Variants in LSP1 observed in about 807,000 individuals in gnomAD.
LSP1 encodes the protein lymphocyte specific protein 1, also known as lymphocyte-specific protein 1.
LSP1 carries 32 observed loss-of-function variants against 49.3 expected under a neutral mutation model. That is an observed-to-expected ratio of 0.65 (90% CI 0.49 to 0.87). LSP1 has a LOEUF of 0.87. Ranked by LOEUF, LSP1 falls within the 40% of genes least tolerant of loss-of-function variation. The pLI, the probability that LSP1 is intolerant of heterozygous loss-of-function variation, is 0.00. For missense variants in LSP1, 428 were observed against 442.6 expected (o/e 0.97, Z 0.30); for synonymous variants, 179 against 178.8 (o/e 1.00, Z -0.01).
At chr11:1,869,617 G>A (rs1170317365) in intron 1 of LSP1, 1 of 470,536 alleles carries the variant, frequency 2.1e-6, no homozygotes, top group Admixed American at 2.3e-5. Context: ...AGGTGCCGGG[G>A]CAGAAGGCTC....
intron 1 of LSP1, among the ~76,000 whole-genome samples, chr11:1,860,355 G>A (rs939886727): frequency 1.3e-5 from 2 of 151,948 alleles, no homozygotes; most frequent in Admixed American, 1.3e-4. Context: ...ATGGATCGAT[G>A]GACAGGTGGG....
chr11:1,863,071 T>C (rs1158819052), intron 1 of LSP1, among the ~76,000 whole-genome samples: 1 of 152,146 alleles, frequency 6.6e-6, no homozygotes, highest in Non-Finnish European at 1.5e-5. Flanking sequence ...GGACCCAGTC[T>C]GGTGTGTATG....
chr11:1,889,429 C>T lies in LSP1; in HGVS notation c.*13+1853C>T, dbSNP rs890846752. 1.2e-5 allele frequency: 8 copies of T among 667,632 alleles called. 1 individual carries two copies. Among genetic ancestry groups the T allele is most frequent in the African/African-American group, 8.9e-5 (5 of 55,904 alleles). The allele number at this position is 667,632 out of a possible 1,614,324, so 41.4% of individuals were successfully genotyped here. The stretch of plus-strand genomic sequence containing the variant: ...GCGGGGGCCCGGGGTGCGGTGAGGG[C>T]GGGCACCTCCTGCTCTGTGGGGGCA... On this transcript the variant is annotated intron_variant, in intron 10 of 10. Coordinates refer to ENST00000311604, the MANE Select transcript of LSP1 (RefSeq NM_002339.3).
At chr11:1,870,459 A>G in intron 1 of LSP1, 1 of 1,198,894 alleles carries the variant, frequency 8.3e-7, no homozygotes, top group Non-Finnish European at 1.1e-6. Context: ...CTGGTCAGCC[A>G]TGAAAGCTTC....
intron 1 of LSP1, chr11:1,869,249 G>A (rs1326312223): frequency 1.3e-5 from 3 of 226,156 alleles, no homozygotes; most frequent in Non-Finnish European, 2.7e-5. Flanking sequence ...ATTGAGGGCC[G>A]GGCCTGGCCA....
At chr11:1,872,114 G>T (rs1424180462) in intron 1 of LSP1, among the ~76,000 whole-genome samples, 18 of 145,228 alleles carry the variant, frequency 1.2e-4, no homozygotes, top group African/African-American at 4.4e-4. Context: ...TTTTGGGAGG[G>T]GGTGTGTGTG....
At chr11:1,886,448 T>A (rs1159005402) in intron 7 of LSP1, among the ~76,000 whole-genome samples, 1 of 152,190 alleles carries the variant, frequency 6.6e-6, no homozygotes, top group Non-Finnish European at 1.5e-5. Flanking sequence ...CCTCCATCCA[T>A]CCCATGGTCC....
intron 1 of LSP1, among the ~76,000 whole-genome samples, chr11:1,861,538 G>C (rs1255131792): frequency 6.6e-6 from 1 of 152,114 alleles, no homozygotes; most frequent in African/African-American, 2.4e-5. Context: ...ATAGATGCAT[G>C]GATGAATGGA....
intron 1 of LSP1, among the ~76,000 whole-genome samples, chr11:1,860,389 G>A (rs1315149083): frequency 6.6e-6 from 1 of 151,914 alleles, no homozygotes; most frequent in African/African-American, 2.4e-5. Context: ...AGATGGATGG[G>A]GTGGATGAAT....
intron 2 of LSP1, 36 bp from the exon 3 acceptor site, chr11:1,881,396 G>T (rs778957351): frequency 2.6e-6 from 4 of 1,526,390 alleles, no homozygotes; most frequent in Admixed American, 2.1e-5. Context: ...GGAGGCAGCA[G>T]CCGCCCAGGC....
intron 1 of LSP1, among the ~76,000 whole-genome samples, chr11:1,859,071 C>T (rs1030859574): frequency 2.0e-5 from 3 of 152,172 alleles, no homozygotes; most frequent in Non-Finnish European, 4.4e-5. Context: ...GGCACATGGG[C>T]CCCTGACCTC....
rs572805276 is a variant in LSP1 at position 1,872,890 on chromosome 11, G to A, written c.54-7197G>A. The stretch of plus-strand genomic sequence containing the variant: ...AGCTCAGGGCCCTCATGCAGCACTG[G>A]GTGGGTCATGAAGCTCAGGGGGCTT... On this transcript the variant is annotated intron_variant, in intron 1 of 10. Transcript: ENST00000311604. Among the ~76,000 whole-genome samples the A allele has an allele frequency of 3.3e-5, 5 of 152,214 alleles. No homozygotes were observed. In the East Asian group the frequency reaches 9.7e-4, roughly 29 times the overall value.
rs1218116157 is a variant in LSP1, at chr11:1,881,569, G to A, written c.329G>A (p.Arg110Lys). The change falls in exon 3 of 11, where the codon AGG (arginine) becomes AAG (lysine). Residue 110 changes from arginine (R) to lysine (K), a missense_variant. Coordinates refer to ENST00000311604, the MANE Select transcript of LSP1 (RefSeq NM_002339.3). ...GACAGCGGAGAGCCCCCCCAGTGCAGGAGTCCTGAGGGGGAGCAAGAGGAC... is the reference window on the plus strand; with the variant it reads ...GACAGCGGAGAGCCCCCCCAGTGCAAGAGTCCTGAGGGGGAGCAAGAGGAC... ...ALDSGEPPQC[R>K]SPEGEQEDRP... The A allele has an allele frequency of 7.9e-6, 12 of 1,526,184 alleles. No homozygotes were observed. The highest frequency in any genetic ancestry group is 2.1e-5 in the Admixed American group (1 of 47,522). The allele number at this position is 1,526,184 out of a possible 1,614,324, so 94.5% of individuals were successfully genotyped here.
At chr11:1,881,618 G>A (rs774249090) in intron 3 of LSP1, 22 bp downstream of exon 3, 12 of 1,457,974 alleles carry the variant, frequency 8.2e-6, no homozygotes, top group African/African-American at 3.0e-5. Context: ...CCTCGAGGGC[G>A]GGCGCTGGGC....
intron 10 of LSP1, 106 bp downstream of exon 10, chr11:1,887,682 G>C: frequency 1.2e-6 from 1 of 824,696 alleles, no homozygotes; most frequent in Non-Finnish European, 1.9e-6. Flanking sequence ...AGGCTACAAG[G>C]GTGGACTCCG....
intron 8 of LSP1, 127 bp from the exon 9 acceptor site, chr11:1,887,110 A>G: frequency 5.9e-6 from 6 of 1,009,538 alleles, no homozygotes; most frequent in Non-Finnish European, 8.7e-6. Flanking sequence ...TCACACAGAA[A>G]AAGTTTAGGT....
intron 8 of LSP1, among the ~76,000 whole-genome samples, 154 bp downstream of exon 8, chr11:1,887,020 C>G (rs1848782326): frequency 6.6e-6 from 1 of 152,224 alleles, no homozygotes; most frequent in South Asian, 2.1e-4. Flanking sequence ...TTGGGTTCAC[C>G]CTTGCTGGTG....
intron 3 of LSP1, among the ~76,000 whole-genome samples, chr11:1,883,116 A>C (rs1464860224): frequency 6.6e-6 from 1 of 152,192 alleles, no homozygotes; most frequent in Non-Finnish European, 1.5e-5. Context: ...CCCAGCCACA[A>C]AGCTGGGGAT....
At chr11:1,880,356 G>A in intron 2 of LSP1, 132 bp downstream of exon 2, 1 of 1,158,970 alleles carries the variant, frequency 8.6e-7, no homozygotes, top group Non-Finnish European at 1.2e-6. Context: ...GGGCCCCCAG[G>A]AGCAGGCGTG....
Sources: allele counts gnomAD v4.1 joint callset (sites outside exome capture counted in the v4.1 genomes callset), GRCh38; gene constraint gnomAD v4.1.1; transcripts MANE v1.5; gene names NCBI Gene and HGNC (gene_info 2026-07-23, HGNC 2026-07-21).